The following TESPA1 variants were observed in gnomAD, a reference collection of about 807,000 sequenced individuals.
TESPA1 encodes the protein protein TESPA1.
In TESPA1, 33 loss-of-function variants were observed where a neutral mutation model predicts 57.9. The observed-to-expected ratio is 0.57, with a 90% CI of 0.43 to 0.76. The LOEUF (loss-of-function observed/expected upper bound fraction) is 0.76. TESPA1 is among the 30% of genes least tolerant of loss of function. The probability of loss-of-function intolerance (pLI) is 0.00; values close to 1 mark genes in which losing one functional copy is unlikely to be tolerated. For synonymous variants in TESPA1, 227 were observed against 228.9 expected, an observed-to-expected ratio of 0.99 and a Z score of 0.07; for missense variants, 618 against 632.9, an observed-to-expected ratio of 0.98 and a Z score of 0.25.
Position 54,952,607 on chromosome 12 carries a change from A to G in TESPA1, c.*2-2217T>C, listed in dbSNP as rs138569910. ...TCCCAGAGATAAAGTTTATGCTGTTATTGGATATTAACCAGTTTTGTATCT... is the reference window on the plus strand; with the variant it reads ...TCCCAGAGATAAAGTTTATGCTGTTGTTGGATATTAACCAGTTTTGTATCT... On this transcript the variant is annotated intron_variant, in intron 10 of 10. Coordinates refer to ENST00000449076, the MANE Select transcript of TESPA1 (RefSeq NM_001136030.3). Among the ~76,000 whole-genome samples the G allele has an allele frequency of 8.5e-5, 13 of 152,328 alleles. No homozygotes were observed. In the East Asian group the frequency reaches 2.5e-3, roughly 29 times the overall value.
At chr12:54,981,965 G>A (rs1190345133) in intron 1 of TESPA1, 2 of 152,434 alleles carry the variant, frequency 1.3e-5, no homozygotes, top group African/African-American at 4.8e-5. Context: ...GAGACTGAGA[G>A]TGAGAACCAG....
chr12:54,969,790 G>A (rs980110520), intron 3 of TESPA1, among the ~76,000 whole-genome samples: 1 of 152,112 alleles, frequency 6.6e-6, no homozygotes, highest in East Asian at 1.9e-4. Flanking sequence ...TACAAGTCAG[G>A]GTATTTGTTA....
Position 54,966,093 on chromosome 12 carries a change from AAGCCAAACTAC to A in TESPA1, c.395_405del (p.Cys132PhefsTer12). 6.3e-7 allele frequency: 1 copy of A among 1,578,910 alleles called. No individual in the cohort carries two copies. Among genetic ancestry groups the A allele is most frequent in the Non-Finnish European group, 8.6e-7 (1 of 1,161,204 alleles). On this transcript the variant is annotated frameshift_variant, in exon 7 of 11. Coordinates refer to ENST00000449076, the MANE Select transcript of TESPA1 (RefSeq NM_001136030.3). LOFTEE classifies it high-confidence loss of function. ...TTGGTCCCCCCAGTCATGCTGCTGG[AAGCCAAACTAC>A]AGCCAAGATCAAGTAGCTGGCAAGG...
chr12:54,973,976 C>T (rs756875004), intron 2 of TESPA1: 12 of 883,078 alleles, frequency 1.4e-5, no homozygotes, highest in South Asian at 4.8e-5. Flanking sequence ...GGTACTACTA[C>T]TTCAATTGGA....
intron 1 of TESPA1, among the ~76,000 whole-genome samples, chr12:54,978,477 T>C (rs543952658): frequency 5.3e-5 from 8 of 152,332 alleles, no homozygotes; most frequent in South Asian, 4.1e-4. Context: ...AGAAAGTGCA[T>C]TTATACAGTT....
At chr12:54,979,472 C>A (rs1952239491) in intron 1 of TESPA1, among the ~76,000 whole-genome samples, 1 of 152,200 alleles carries the variant, frequency 6.6e-6, no homozygotes, top group Admixed American at 6.5e-5. Flanking sequence ...CTACCATTTC[C>A]AGCCTTTTGT....
At chr12:54,958,452 G>T (rs1950867651) in intron 10 of TESPA1, among the ~76,000 whole-genome samples, 1 of 151,608 alleles carries the variant, frequency 6.6e-6, no homozygotes, top group Admixed American at 6.6e-5. Flanking sequence ...GTGATTTTCT[G>T]TAGTTTAAAA....
intron 1 of TESPA1, among the ~76,000 whole-genome samples, chr12:54,975,719 G>C (rs938912939): frequency 8.2e-6 from 1 of 122,192 alleles, no homozygotes; most frequent in Non-Finnish European, 1.7e-5. Flanking sequence ...AATAAAATAA[G>C]AAGACTACCA....
intron 9 of TESPA1, 49 bp from the exon 10 acceptor site, chr12:54,961,316 G>T: frequency 6.2e-7 from 1 of 1,604,912 alleles, no homozygotes; most frequent in Non-Finnish European, 8.5e-7. Flanking sequence ...GGGGAAAGGG[G>T]GTAAGGAAAG....
At chr12:54,982,457 A>G (rs960544314) in intron 1 of TESPA1, among the ~76,000 whole-genome samples, 2 of 152,224 alleles carry the variant, frequency 1.3e-5, no homozygotes, top group Non-Finnish European at 2.9e-5. Context: ...ATAAATACTG[A>G]AAGAAGACCA....
At chr12:54,966,268 G>A (rs539308249) in intron 6 of TESPA1, 117 bp from the exon 7 acceptor site, 51 of 1,579,022 alleles carry the variant, frequency 3.2e-5, no homozygotes, top group African/African-American at 2.6e-4. Context: ...GTGCTTGTTC[G>A]TTGGAAAGTC....
chr12:54,977,241 A>C (rs1226434069), intron 1 of TESPA1, among the ~76,000 whole-genome samples: 2 of 152,148 alleles, frequency 1.3e-5, no homozygotes, highest in Non-Finnish European at 2.9e-5. Context: ...TAACCACTTA[A>C]TGAATACTCA....
chr12:54,976,965 C>T (rs1952160877), intron 1 of TESPA1, among the ~76,000 whole-genome samples: 1 of 152,034 alleles, frequency 6.6e-6, no homozygotes, highest in South Asian at 2.1e-4. Context: ...GTCTTTGCCA[C>T]ACTCACCCTG....
At chr12:54,957,463 T>G (rs1023812592) in intron 10 of TESPA1, among the ~76,000 whole-genome samples, 4 of 152,248 alleles carry the variant, frequency 2.6e-5, no homozygotes, top group Admixed American at 2.6e-4. Flanking sequence ...GTGAGTGAAC[T>G]TCCCCCTTCC....
At position 54,949,531 on chromosome 12, in the gene TESPA1, C is replaced by T. The variant is rs1440393707; in HGVS notation, c.*861G>A. 1 of 152,180 alleles carries T rather than the reference C, an allele frequency of 6.6e-6. No individual in the cohort carries two copies. Among genetic ancestry groups the T allele is most frequent in the African/African-American group, 2.4e-5 (1 of 41,396 alleles). 9.4% of individuals were successfully genotyped at this position (152,180 alleles called of 1,614,324 possible). A position where few individuals can be genotyped will look rare whatever the true frequency, so the allele number is the denominator to read the frequency against. On this transcript the variant is annotated 3_prime_UTR_variant, in exon 11 of 11. Transcript: ENST00000449076. ...CAAGATGCTCTGAAACCACATACTG[C>T]CTAAGAGAGCACTGCATGTGCTCAA...
At chr12:54,959,219 C>T (rs939809403) in intron 10 of TESPA1, among the ~76,000 whole-genome samples, 2 of 152,192 alleles carry the variant, frequency 1.3e-5, no homozygotes, top group East Asian at 3.8e-4. Context: ...CTGTGCTTCT[C>T]ATCCTCTCTG....
intron 1 of TESPA1, among the ~76,000 whole-genome samples, chr12:54,979,075 T>C (rs777641176): frequency 3.3e-5 from 5 of 152,226 alleles, no homozygotes; most frequent in Non-Finnish European, 7.3e-5. Context: ...TGGATCCTAA[T>C]GTACATTTTT....
intron 1 of TESPA1, among the ~76,000 whole-genome samples, chr12:54,976,810 G>C (rs941852397): frequency 1.3e-5 from 2 of 152,096 alleles, no homozygotes; most frequent in Non-Finnish European, 2.9e-5. Flanking sequence ...TCTGTGATAT[G>C]AATCTATTTT....
At chr12:54,974,365 A>T (rs758951866) in intron 2 of TESPA1, 35 bp downstream of exon 2, 1 of 1,534,638 alleles carries the variant, frequency 6.5e-7, no homozygotes, top group East Asian at 2.4e-5. Context: ...TTGCCGCCAG[A>T]CAACATAGAC....
Sources: gnomAD v4.1 joint callset for allele counts (sites outside exome capture counted in the v4.1 genomes callset) on GRCh38, gnomAD v4.1.1 for gene constraint, MANE v1.5 for transcripts, NCBI Gene and HGNC (gene_info 2026-07-23, HGNC 2026-07-21) for gene names.